The following XKR6 variants were observed in gnomAD, a reference collection of about 807,000 sequenced individuals.
XKR6 encodes the protein XK-related protein 6.
In XKR6, 22 loss-of-function variants were observed where a neutral mutation model predicts 56.7. That is an observed-to-expected ratio of 0.39 (90% confidence interval 0.28 to 0.55). The LOEUF is 0.55. XKR6 is among the 20% of genes least tolerant of loss of function. XKR6 has a pLI of 0.66. For missense variants in XKR6, 852 were observed against 889.0 expected (o/e 0.96, Z 0.53); for synonymous variants, 524 against 387.8 (o/e 1.35, Z -4.13).
chr8:11,104,920 G>C (rs575036695), intron 1 of XKR6: 132 of 152,316 alleles, frequency 8.7e-4, no homozygotes, highest in African/African-American at 3.1e-3. Context: ...GTCTGTTCGA[G>C]AGATTTCCAG....
rs535984115 is a variant in XKR6 at position 11,022,176 on chromosome 8, C to T, written c.765-97346G>A. ...GGCCCTCTCTTAAAGAGGTCCAACC[C>T]TTCTCATTCATGTAACTATGGCACA... is the stretch of plus-strand genomic sequence containing the variant. On this transcript the variant is annotated intron_variant, in intron 1 of 2. Transcript: ENST00000416569. Among the ~76,000 whole-genome samples the T allele has an allele frequency of 2.0e-5, 3 of 150,626 alleles. 1 individual carries two copies. The highest frequency in any genetic ancestry group is 7.4e-5 in the African/African-American group (3 of 40,794).
At chr8:11,086,208 T>C (rs1216033848) in intron 1 of XKR6, among the ~76,000 whole-genome samples, 3 of 151,592 alleles carry the variant, frequency 2.0e-5, no homozygotes, top group Non-Finnish European at 4.4e-5. Flanking sequence ...TGCTAATGCA[T>C]CAACTCACTG....
intron 1 of XKR6, among the ~76,000 whole-genome samples, chr8:11,114,349 T>C (rs956021270): frequency 1.3e-5 from 2 of 152,172 alleles, no homozygotes; most frequent in Non-Finnish European, 2.9e-5. Flanking sequence ...CCTGAGATTA[T>C]AAAACACTGA....
At chr8:11,065,423 C>T (rs1200583427) in intron 1 of XKR6, among the ~76,000 whole-genome samples, 1 of 152,228 alleles carries the variant, frequency 6.6e-6, no homozygotes, top group Non-Finnish European at 1.5e-5. Context: ...TGACCCAGCT[C>T]TCTGCCTGCA....
At chr8:11,189,760 T>C (rs1031802685) in intron 1 of XKR6, among the ~76,000 whole-genome samples, 2 of 152,202 alleles carry the variant, frequency 1.3e-5, no homozygotes, top group Admixed American at 1.3e-4. Flanking sequence ...TTTAAATATA[T>C]AGATTCTTGG....
intron 1 of XKR6, among the ~76,000 whole-genome samples, chr8:11,185,956 G>T (rs1274053172): frequency 6.6e-6 from 1 of 152,042 alleles, no homozygotes; most frequent in Non-Finnish European, 1.5e-5. Flanking sequence ...ACAGGGCTTG[G>T]GCTATTTCTG....
intron 2 of XKR6, among the ~76,000 whole-genome samples, chr8:10,922,721 A>G (rs1800757947): frequency 6.6e-6 from 1 of 152,200 alleles, no homozygotes; most frequent in African/African-American, 2.4e-5. Context: ...CTGGGTCCTC[A>G]GGCATCCTGA....
At chr8:11,058,050 G>T (rs7821584) in intron 1 of XKR6, among the ~76,000 whole-genome samples, 143,318 of 152,306 alleles carry the variant, frequency 0.94, 67,565 homozygotes, top group African/African-American at 0.99. Flanking sequence ...ACTTATTTTA[G>T]TCCCAGGATC....
At chr8:11,178,554 A>ATATATATATATATATATATG (rs1802786560) in intron 1 of XKR6, among the ~76,000 whole-genome samples, 1 of 124,448 alleles carries the variant, frequency 8.0e-6, no homozygotes, top group African/African-American at 4.1e-5. Context: ...AAAAATATAT[A>ATATATATATATATATATATG]TATATATATA....
chr8:10,979,565 T>C (rs1347563699), intron 1 of XKR6, among the ~76,000 whole-genome samples: 2 of 152,218 alleles, frequency 1.3e-5, no homozygotes, highest in East Asian at 1.9e-4. Flanking sequence ...GCCAAGACAG[T>C]TGGTCAAGCC....
intron 1 of XKR6, among the ~76,000 whole-genome samples, chr8:11,135,016 T>G (rs751039312): frequency 6.6e-5 from 10 of 150,754 alleles, no homozygotes. Flanking sequence ...ATGTCAAAAA[T>G]GCATAGAAAA....
intron 1 of XKR6, among the ~76,000 whole-genome samples, chr8:11,023,320 G>A (rs1215459470): frequency 6.6e-6 from 1 of 152,206 alleles, no homozygotes; most frequent in Non-Finnish European, 1.5e-5. Context: ...ACAGGCCCCC[G>A]AAGTCATCTG....
rs561008584 is a variant in XKR6 at position 10,924,546 on chromosome 8, G to A, written c.961+88C>T. 190 of 1,481,224 alleles carry A rather than the reference G, an allele frequency of 1.3e-4. 1 individual carries two copies. The African/African-American group carries it at 1.4e-3, about 11-fold the overall frequency. The allele number at this position is 1,481,224 out of a possible 1,614,324, so 91.8% of individuals were successfully genotyped here. On this transcript the variant is annotated intron_variant, in intron 2 of 2. Transcript: ENST00000416569. ...GCAGGATGGGCAATGCCCACAGAGC[G>A]TGCCAGGCACGAAGTGTGTGGGAGG...
chr8:11,008,776 C>T (rs1025550262), intron 1 of XKR6, among the ~76,000 whole-genome samples: 2 of 152,050 alleles, frequency 1.3e-5, no homozygotes, highest in Non-Finnish European at 2.9e-5. Context: ...TTCCAGGAGC[C>T]CTGATGGAGC....
intron 1 of XKR6, among the ~76,000 whole-genome samples, chr8:10,963,461 G>C (rs1802124841): frequency 6.6e-6 from 1 of 152,128 alleles, no homozygotes; most frequent in Non-Finnish European, 1.5e-5. Flanking sequence ...CTGTCACTGG[G>C]ATGACCAGAC....
intron 1 of XKR6, among the ~76,000 whole-genome samples, chr8:10,934,805 AT>A (rs1161164521): frequency 9.3e-5 from 14 of 149,850 alleles, no homozygotes; most frequent in African/African-American, 3.5e-4. Flanking sequence ...GTTTGCCAGT[AT>A]TTTATTGAGG....
chr8:11,110,923 G>A (rs1243017552), intron 1 of XKR6, among the ~76,000 whole-genome samples: 2 of 150,686 alleles, frequency 1.3e-5, no homozygotes, highest in Non-Finnish European at 2.9e-5. Flanking sequence ...TGCAAGCTCC[G>A]CCTCCCAGGT....
At position 10,898,228 on chromosome 8, in the gene XKR6, T is replaced by C. The variant is rs570199792; in HGVS notation, c.1650A>G (p.Gln550=). ...AAGTGTCAGCCGTGAGATCCTCCTG[T>C]TGTTCCGTTACGGCTCTGGTGGGCG... The part of the protein sequence containing the change: ...QVTPTRAVTE[Q]QEDLTADTCL... Residue 550 remains glutamine, a synonymous_variant, in exon 3 of 3, where the codon CAA becomes CAG. Transcript: ENST00000416569. This position sits in a 1 kb window ranked among gnomAD's most constrained non-coding sequence, Gnocchi z 6.6. The C allele has an allele frequency of 6.2e-7, 1 of 1,614,140 alleles. No homozygotes were observed. The highest frequency in any genetic ancestry group is 1.1e-5 in the South Asian group (1 of 91,072).
chr8:11,160,473 G>C (rs1275387798), intron 1 of XKR6, among the ~76,000 whole-genome samples: 3 of 152,094 alleles, frequency 2.0e-5, no homozygotes, highest in Non-Finnish European at 4.4e-5. Flanking sequence ...AATAAATAAA[G>C]TTTAGAAGGA....
Sources: gnomAD v4.1 joint callset for allele counts (sites outside exome capture counted in the v4.1 genomes callset) on GRCh38, gnomAD v4.1.1 for gene constraint, Gnocchi (gnomAD v3.1) non-coding constraint, MANE v1.5 for transcripts, NCBI Gene and HGNC (gene_info 2026-07-23, HGNC 2026-07-21) for gene names.